CHRNE: variants seen among roughly 807,000 people sequenced by gnomAD.
The protein encoded by CHRNE is acetylcholine receptor subunit epsilon.
A neutral mutation model predicts 56.5 loss-of-function variants in CHRNE; 58 were observed. The ratio of observed to expected loss-of-function variants is 1.03; its 90% confidence interval spans 0.83 to 1.28. The LOEUF (loss-of-function observed/expected upper bound fraction) is 1.28, where lower values mean the gene tolerates loss of function less well. Among genes scored for constraint, CHRNE ranks in the 50% most tolerant of loss-of-function variants. The pLI is 0.00. For synonymous variants in CHRNE, 385 were observed against 297.9 expected, an observed-to-expected ratio of 1.29 and a Z score of -3.01; for missense variants, 793 against 688.9, an observed-to-expected ratio of 1.15 and a Z score of -1.69.
chr17:4,899,238 G>GAAAA lies in CHRNE; in HGVS notation c.1178_1179insTTTT (p.Val394PhefsTer4). The stretch of plus-strand genomic sequence containing the variant: ...GCCGGTGCCTCTGCCCCTCAAACAC[G>GAAAA]AGCTCGCTCCGTGGCTTTTTCAGTA... On this transcript the variant is annotated frameshift_variant, in exon 10 of 12. Transcript: ENST00000649488. LOFTEE classifies it high-confidence loss of function. The GAAAA allele has an allele frequency of 1.9e-6, 3 of 1,607,008 alleles. No individual in the cohort carries two copies. The highest frequency in any genetic ancestry group is 1.7e-6 in the Non-Finnish European group (2 of 1,179,136).
At position 4,902,175 on chromosome 17, in the gene CHRNE, A is replaced by T; in HGVS notation, c.344+42T>A. The T allele has an allele frequency of 1.2e-6, 2 of 1,613,552 alleles. No homozygotes were observed. Among genetic ancestry groups the T allele is most frequent in the Non-Finnish European group, 1.7e-6 (2 of 1,179,520 alleles). Reference sequence around the variant, plus strand: ...CCCAACCAAGTCCAGCCCGCACCCCAGGCCGGCTTCCCTCCAGCCTGGCGT... The same window carrying T: ...CCCAACCAAGTCCAGCCCGCACCCCTGGCCGGCTTCCCTCCAGCCTGGCGT... On this transcript the variant is annotated intron_variant, in intron 4 of 11. Coordinates refer to ENST00000649488, the MANE Select transcript of CHRNE (RefSeq NM_000080.4). This position sits in a 1 kb window ranked among gnomAD's most constrained non-coding sequence, Gnocchi z 4.0.
chr17:4,907,321 C>T (rs1303358007), upstream of CHRNE, among the ~76,000 whole-genome samples: 4 of 151,688 alleles, frequency 2.6e-5, no homozygotes, highest in East Asian at 1.9e-4. Context: ...CCCTGCACTT[C>T]GGGAGGCCGA....
chr17:4,906,389 T>C (rs957548934), upstream of CHRNE, among the ~76,000 whole-genome samples: 2 of 152,094 alleles, frequency 1.3e-5, no homozygotes, highest in Non-Finnish European at 2.9e-5. Flanking sequence ...TATATACAAA[T>C]ATATGAAATA....
chr17:4,905,048 A>T (rs1970074058), upstream of CHRNE, among the ~76,000 whole-genome samples: 1 of 152,192 alleles, frequency 6.6e-6, no homozygotes, highest in Admixed American at 6.5e-5. Flanking sequence ...ATAAATGCAA[A>T]TATTTATTCA....
In CHRNE at chr17:4,898,556, C is replaced by T. The variant is rs1037189741; in HGVS notation, c.*180G>A. The T allele has an allele frequency of 6.4e-6, 5 of 780,278 alleles. No homozygotes were observed. Among genetic ancestry groups the T allele is most frequent in the Non-Finnish European group, 8.4e-6 (4 of 478,330 alleles). The allele number at this position is 780,278 out of a possible 1,614,324, so 48.3% of individuals were successfully genotyped here. A position where few individuals can be genotyped will look rare whatever the true frequency, so the allele number is the denominator to read the frequency against. On this transcript the variant is annotated 3_prime_UTR_variant, in exon 12 of 12. Transcript: ENST00000649488. Reference sequence around the variant, plus strand: ...TATGTGAACCCTTTCCTCCTGCTGACCCCTGGACTGCGGCCAGGCCTACAC... The same window carrying T: ...TATGTGAACCCTTTCCTCCTGCTGATCCCTGGACTGCGGCCAGGCCTACAC...
chr17:4,906,498 C>T (rs753397725), upstream of CHRNE, among the ~76,000 whole-genome samples: 1 of 152,016 alleles, frequency 6.6e-6, no homozygotes, highest in South Asian at 2.1e-4. Flanking sequence ...GAAAAAAAAT[C>T]TAATAATCTG....
intron 5 of CHRNE, 46 bp downstream of exon 5, chr17:4,901,886 C>CCT: frequency 3.2e-6 from 5 of 1,568,194 alleles, no homozygotes; most frequent in Non-Finnish European, 4.3e-6. Flanking sequence ...CCCATAAGGC[C>CCT]CCCCCCCAAC....
At position 4,899,295 on chromosome 17, in the gene CHRNE, C is replaced by G. The variant is rs1047142793; in HGVS notation, c.1122G>C (p.Ser374=). 3 of 1,594,724 alleles carry G rather than the reference C, an allele frequency of 1.9e-6. No homozygotes were observed. Among genetic ancestry groups the G allele is most frequent in the Middle Eastern group, 1.7e-4 (1 of 5,892 alleles). ...RAASPPRRAS[S]VGLLLRAEEL... The stretch of plus-strand genomic sequence containing the variant: ...CCTCCGCGCGGAGCAATAAGCCCAC[C>G]GACGACGCCCGCCTTGGGGGCGAGG... The change falls in exon 10 of 12, where the codon TCG becomes TCC. Residue 374 remains serine, a synonymous_variant. Transcript: ENST00000649488.
At chr17:4,905,796 G>C (rs887947962), upstream of CHRNE, among the ~76,000 whole-genome samples, 1 of 151,742 alleles carries the variant, frequency 6.6e-6, no homozygotes, top group Non-Finnish European at 1.5e-5. Flanking sequence ...GGGAGACGGA[G>C]GTTGCAGTGA....
chr17:4,907,253 T>C (rs1353339042), upstream of CHRNE, among the ~76,000 whole-genome samples: 1 of 151,860 alleles, frequency 6.6e-6, no homozygotes, highest in Non-Finnish European at 1.5e-5. Context: ...AAAGTGATTA[T>C]GGCAAGGGTC....
In CHRNE at chr17:4,901,997, G is replaced by A. The variant is rs1194731229; in HGVS notation, c.435C>T (p.Arg145=). 2.5e-6 allele frequency: 4 copies of A among 1,614,002 alleles called. No individual in the cohort carries two copies. Among genetic ancestry groups the A allele is most frequent in the African/African-American group, 2.7e-5 (2 of 74,932 alleles). The change falls in exon 5 of 12, where the codon CGC becomes CGT. Residue 145 remains arginine, a synonymous_variant. Coordinates refer to ENST00000649488, the MANE Select transcript of CHRNE (RefSeq NM_000080.4). ...AGGTGACCTCCACTGCGCAGACGCT[G>A]CGGTAGATGGCCGGAGGCAGCCACG... The part of the protein sequence containing the change: ...SVTWLPPAIY[R]SVCAVEVTYF...
intron 8 of CHRNE, chr17:4,899,809 A>C (rs1217573367): frequency 6.4e-7 from 1 of 1,551,014 alleles, no homozygotes; most frequent in East Asian, 2.4e-5. Flanking sequence ...TGGATCTACC[A>C]CTTCCACAGC....
At chr17:4,900,487 T>G in intron 8 of CHRNE, 1 of 1,550,972 alleles carries the variant, frequency 6.4e-7, no homozygotes, top group Non-Finnish European at 8.7e-7. Flanking sequence ...CAGCTAGGCC[T>G]CGGAATCCCC....
upstream of CHRNE, among the ~76,000 whole-genome samples, chr17:4,907,380 G>A (rs563535806): frequency 2.0e-5 from 3 of 151,808 alleles, no homozygotes; most frequent in South Asian, 2.1e-4. Flanking sequence ...TGGCTAGCAT[G>A]GTGAAACCCC....
rs919271118 is a variant in CHRNE at position 4,900,796 on chromosome 17, C to A, written c.914G>T (p.Gly305Val). The change falls in exon 8 of 12, where the codon GGC (glycine) becomes GTC (valine). Residue 305 changes from glycine (G) to valine (V), a missense_variant. Transcript: ENST00000649488. ...CCCGCGGGGGCTCCGGCTTCACCTG[C>A]CCAGGAGCGGCACGCTCAGAGAAGT... Reference protein sequence around the residue: ...PETSLSVPLLGRFLIFVMVVA... With the variant: ...PETSLSVPLLVRFLIFVMVVA... 1.9e-6 allele frequency: 3 copies of A among 1,613,334 alleles called. No homozygotes were observed. Among genetic ancestry groups the A allele is most frequent in the Non-Finnish European group, 2.5e-6 (3 of 1,179,656 alleles).
intron 8 of CHRNE, chr17:4,900,589 CT>C (rs1969948825): frequency 1.3e-6 from 2 of 1,544,338 alleles, no homozygotes; most frequent in Non-Finnish European, 1.7e-6. Context: ...CCCAAGAGAG[CT>C]ACTCGGGAGA....
chr17:4,900,278 C>T (rs2151096490), intron 8 of CHRNE: 1 of 1,545,508 alleles, frequency 6.5e-7, no homozygotes, highest in Non-Finnish European at 8.7e-7. Context: ...GGCGACTAGA[C>T]GGCAGCGCGG....
At chr17:4,907,704 TC>T (rs2151101359), upstream of CHRNE, among the ~76,000 whole-genome samples, 1 of 151,566 alleles carries the variant, frequency 6.6e-6, no homozygotes, top group East Asian at 1.9e-4. Flanking sequence ...CACAACTACA[TC>T]ATGTATAAAC....
At chr17:4,901,837 A>G in intron 5 of CHRNE, 95 bp downstream of exon 5, 4 of 1,561,926 alleles carry the variant, frequency 2.6e-6, no homozygotes, top group Middle Eastern at 2.3e-4. Flanking sequence ...TCCAGCGCGA[A>G]GCCCCGCCCC....
Sources: allele counts gnomAD v4.1 joint callset (sites outside exome capture counted in the v4.1 genomes callset), GRCh38; gene constraint gnomAD v4.1.1; non-coding constraint Gnocchi (gnomAD v3.1); transcripts MANE v1.5; gene names NCBI Gene and HGNC (gene_info 2026-07-23, HGNC 2026-07-21).